AHI1: variants seen among roughly 807,000 people sequenced by gnomAD.
AHI1 encodes jouberin.
In AHI1, 123 loss-of-function variants were observed where a neutral mutation model predicts 149.3. The ratio of observed to expected loss-of-function variants is 0.82; its 90% CI spans 0.71 to 0.96. AHI1 has a LOEUF of 0.96. AHI1 is among the 40% of genes least tolerant of loss of function. The pLI, the probability that AHI1 is intolerant of heterozygous loss-of-function variation, is 0.00. For synonymous variants in AHI1, 475 were observed against 459.8 expected (o/e 1.03, Z -0.42); for missense variants, 1,439 against 1,422.7 (o/e 1.01, Z -0.18).
intron 24 of AHI1, among the ~76,000 whole-genome samples, chr6:135,350,310 T>C (rs956062333): frequency 1.8e-4 from 27 of 152,162 alleles, no homozygotes; most frequent in Non-Finnish European, 7.4e-5. Context: ...CATACTTGCA[T>C]TGGTTTCCGA....
At chr6:135,428,159 T>G (rs1192999742) in intron 19 of AHI1, among the ~76,000 whole-genome samples, 2 of 151,662 alleles carry the variant, frequency 1.3e-5, no homozygotes, top group Non-Finnish European at 3.0e-5. Context: ...TGTAATTGTT[T>G]ATTGGAAAAA....
At chr6:135,373,698 G>C (rs1422705698) in intron 23 of AHI1, among the ~76,000 whole-genome samples, 1 of 152,078 alleles carries the variant, frequency 6.6e-6, no homozygotes. Context: ...TACGATCAAA[G>C]AAAGAAGAAC....
intron 14 of AHI1, among the ~76,000 whole-genome samples, chr6:135,440,978 C>T (rs1786207852): frequency 6.6e-6 from 1 of 151,734 alleles, no homozygotes; most frequent in Admixed American, 6.6e-5. Flanking sequence ...AAGTCATCCA[C>T]ATAGAAACTG....
chr6:135,449,687 T>C (rs1279715665), intron 11 of AHI1, among the ~76,000 whole-genome samples: 1 of 150,548 alleles, frequency 6.6e-6, no homozygotes, highest in Non-Finnish European at 1.5e-5. Flanking sequence ...ACTTGGAAAG[T>C]AAAAAAAAAC....
intron 23 of AHI1, among the ~76,000 whole-genome samples, chr6:135,375,059 C>T (rs1775697798): frequency 6.6e-6 from 1 of 152,046 alleles, no homozygotes; most frequent in South Asian, 2.1e-4. Flanking sequence ...GGTTTGGATG[C>T]TTTTCTGACA....
At chr6:135,374,539 T>C (rs1463674095) in intron 23 of AHI1, among the ~76,000 whole-genome samples, 1 of 152,064 alleles carries the variant, frequency 6.6e-6, no homozygotes, top group African/African-American at 2.4e-5. Flanking sequence ...TCCAAAAGAA[T>C]CAATGCTAAA....
chr6:135,390,011 G>GTT (rs3838320), intron 23 of AHI1, among the ~76,000 whole-genome samples: 160 of 151,710 alleles, frequency 1.1e-3, no homozygotes, highest in Admixed American at 2.1e-3. Context: ...GTTTTTTTGT[G>GTT]TTTTTTTTAT....
intron 5 of AHI1, among the ~76,000 whole-genome samples, chr6:135,489,056 A>G (rs1432565081): frequency 6.6e-6 from 1 of 152,210 alleles, no homozygotes; most frequent in African/African-American, 2.4e-5. Flanking sequence ...GCATTAAGGC[A>G]TCTAGCAAAT....
intron 24 of AHI1, among the ~76,000 whole-genome samples, chr6:135,356,513 C>T (rs1278057862): frequency 6.6e-6 from 1 of 152,082 alleles, no homozygotes; most frequent in Admixed American, 6.6e-5. Context: ...AAGCCAGGGG[C>T]TGTTGGGGAG....
intron 12 of AHI1, among the ~76,000 whole-genome samples, chr6:135,447,629 G>A (rs1583279377): frequency 6.6e-6 from 1 of 152,104 alleles, no homozygotes; most frequent in Non-Finnish European, 1.5e-5. Flanking sequence ...GCTACAGAAC[G>A]TGCAAATGAC....
chr6:135,429,815 A>AC, intron 18 of AHI1, 67 bp downstream of exon 18: 1 of 989,918 alleles, frequency 1.0e-6, no homozygotes, highest in Non-Finnish European at 1.5e-6. Flanking sequence ...ACCGAATTTT[A>AC]TAAATATAAT....
chr6:135,412,695 G>A (rs1781778868), intron 20 of AHI1, among the ~76,000 whole-genome samples: 2 of 152,112 alleles, frequency 1.3e-5, no homozygotes, highest in South Asian at 4.2e-4. Context: ...TATATACAAA[G>A]GAGAAAAAAT....
At chr6:135,481,815 T>A (rs558668788) in intron 5 of AHI1, among the ~76,000 whole-genome samples, 1 of 148,602 alleles carries the variant, frequency 6.7e-6, no homozygotes, top group Non-Finnish European at 1.5e-5. Flanking sequence ...AGGAGACATA[T>A]CTTGCAAAAA....
intron 26 of AHI1, among the ~76,000 whole-genome samples, chr6:135,308,784 C>T (rs573483829): frequency 1.1e-4 from 17 of 152,284 alleles, no homozygotes; most frequent in African/African-American, 3.9e-4. Flanking sequence ...AGGAAGATAT[C>T]GAGGAAATGA....
rs149165635 is a variant in AHI1 at position 135,378,043 on chromosome 6, GA to G, written c.3109+16732del. 9.4e-3 allele frequency among the ~76,000 whole-genome samples: 1,425 copies of G among 152,150 alleles called. 20 individuals are homozygous for G. The highest frequency in any genetic ancestry group is 0.032 in the African/African-American group (1,330 of 41,494). On this transcript the variant is annotated intron_variant, in intron 23 of 28. Coordinates refer to ENST00000265602, the MANE Select transcript of AHI1 (RefSeq NM_001134831.2). ...ATATCAGTTATTTATAATTCTCCAT[GA>G]TTAGTATTTGTTCCTTTACAATTAG... is the stretch of plus-strand genomic sequence containing the variant.
In AHI1 at chr6:135,453,412, C is replaced by T; in HGVS notation, c.1369G>A (p.Glu457Lys). ...FEILDFLSVD[E>K]IKNNSEVQNQ... ...TGAACCTCAGAATTATTCTTAATTTCATCCACGCTTAAGAAATCAAGAATC... is the reference window on the plus strand; with the variant it reads ...TGAACCTCAGAATTATTCTTAATTTTATCCACGCTTAAGAAATCAAGAATC... The change falls in exon 11 of 29, where the codon GAA (glutamate) becomes AAA (lysine). Residue 457 changes from glutamate to lysine, a missense_variant. Transcript: ENST00000265602. 1 of 1,557,338 alleles carries T rather than the reference C, an allele frequency of 6.4e-7. No homozygotes were observed. Among genetic ancestry groups the T allele is most frequent in the South Asian group, 1.2e-5 (1 of 84,306 alleles).
At chr6:135,378,382 A>G (rs1776247852) in intron 23 of AHI1, among the ~76,000 whole-genome samples, 5 of 152,240 alleles carry the variant, frequency 3.3e-5, no homozygotes, top group Admixed American at 2.6e-4. Context: ...AATACCAACT[A>G]TACTAATTTC....
At chr6:135,444,528 C>T (rs1206774302) in intron 13 of AHI1, among the ~76,000 whole-genome samples, 6 of 152,182 alleles carry the variant, frequency 3.9e-5, no homozygotes. Flanking sequence ...CCCTCCTTCA[C>T]TCACCCCTAC....
intron 6 of AHI1, 78 bp from the exon 7 acceptor site, chr6:135,466,451 T>A (rs557794977): frequency 1.5e-5 from 19 of 1,261,758 alleles, no homozygotes; most frequent in South Asian, 1.5e-4. Context: ...ATAATTAATA[T>A]TTGACAATGT....
Sources: allele counts gnomAD v4.1 joint callset (sites outside exome capture counted in the v4.1 genomes callset), GRCh38; gene constraint gnomAD v4.1.1; transcripts MANE v1.5; gene names NCBI Gene and HGNC (gene_info 2026-07-23, HGNC 2026-07-21).